The following PLD3 variants were observed in gnomAD, a reference collection of about 807,000 sequenced individuals.
PLD3 encodes the protein 5'-3' exonuclease PLD3.
PLD3 carries 31 observed loss-of-function variants against 58.4 expected under a neutral mutation model. That is an observed-to-expected ratio of 0.53 (90% CI 0.40 to 0.72). The LOEUF (loss-of-function observed/expected upper bound fraction) is 0.72. PLD3 is among the 30% of genes least tolerant of loss of function. PLD3 has a pLI of 0.00. For missense variants in PLD3, 595 were observed against 659.8 expected, an observed-to-expected ratio of 0.90 and a Z score of 1.08; for synonymous variants, 264 against 273.4, an observed-to-expected ratio of 0.97 and a Z score of 0.34.
chr19:40,354,733 C>T (rs866828262), intron 1 of PLD3, among the ~76,000 whole-genome samples: 1 of 151,272 alleles, frequency 6.6e-6, no homozygotes, highest in Non-Finnish European at 1.5e-5. Flanking sequence ...GCCATGTAGG[C>T]CAGGCTGGTC....
intron 5 of PLD3, 145 bp downstream of exon 5, chr19:40,367,060 C>G (rs1334917769): frequency 1.3e-6 from 1 of 766,744 alleles, no homozygotes; most frequent in Admixed American, 3.1e-5. Context: ...CTCGCCCGCC[C>G]CCTCCTCCTC....
intron 1 of PLD3, among the ~76,000 whole-genome samples, chr19:40,349,338 A>C (rs2078423563): frequency 1.3e-5 from 2 of 151,168 alleles, no homozygotes; most frequent in East Asian, 1.9e-4. Context: ...GTCACCATCC[A>C]CTCCTCATGC....
chr19:40,357,935 A>G (rs8110995), intron 1 of PLD3: 143,688 of 152,264 alleles, frequency 0.94, 67,903 homozygotes, highest in Middle Eastern at 0.97. Flanking sequence ...ACATTGTTCA[A>G]AGAATGAAAG....
intron 5 of PLD3, 121 bp from the exon 6 acceptor site, chr19:40,367,575 C>T (rs2078958295): frequency 4.9e-6 from 4 of 811,826 alleles, no homozygotes; most frequent in Non-Finnish European, 7.6e-6. Flanking sequence ...GGGCAAGACT[C>T]TGTCTCTAAA....
chr19:40,349,284 C>T (rs2078421688), intron 1 of PLD3, among the ~76,000 whole-genome samples: 1 of 152,148 alleles, frequency 6.6e-6, no homozygotes, highest in Non-Finnish European at 1.5e-5. Context: ...ATCATTACCC[C>T]TTGTGTCTTT....
At chr19:40,367,932 C>T (rs1038778828) in intron 6 of PLD3, 53 bp downstream of exon 6, 14 of 1,442,926 alleles carry the variant, frequency 9.7e-6, no homozygotes, top group African/African-American at 5.6e-5. Context: ...TGGGAGGCAG[C>T]GGGGGCTGTG....
intron 1 of PLD3, among the ~76,000 whole-genome samples, chr19:40,364,798 CAAA>C (rs1171446806): frequency 1.5e-4 from 10 of 67,238 alleles, no homozygotes; most frequent in Admixed American, 1.7e-4. Context: ...ACTGCGTCTC[CAAA>C]AAAAAAAAAA....
intron 1 of PLD3, among the ~76,000 whole-genome samples, chr19:40,349,971 T>C (rs1294805849): frequency 1.7e-5 from 2 of 116,720 alleles, no homozygotes; most frequent in African/African-American, 6.8e-5. Flanking sequence ...AAAAAAATAA[T>C]AATAATAGGC....
chr19:40,362,424 A>G (rs2078809793), intron 1 of PLD3, among the ~76,000 whole-genome samples: 1 of 152,060 alleles, frequency 6.6e-6, no homozygotes, highest in South Asian at 2.1e-4. Context: ...TCACTTCTCC[A>G]GTACTAGTTT....
intron 9 of PLD3, 123 bp from the exon 10 acceptor site, chr19:40,374,358 C>A: frequency 9.8e-7 from 1 of 1,021,770 alleles, no homozygotes; most frequent in Non-Finnish European, 1.5e-6. Context: ...CCCTCTTCTT[C>A]ATGGAGGCTG....
chr19:40,349,217 C>T (rs1345537044), intron 1 of PLD3, among the ~76,000 whole-genome samples: 1 of 152,196 alleles, frequency 6.6e-6, no homozygotes, highest in Admixed American at 6.5e-5. Context: ...AAGTCACCTT[C>T]GCATGGCTAC....
rs756145262 is a variant in PLD3, at chr19:40,366,440, A to G, written c.-44A>G. On this transcript the variant is annotated 5_prime_UTR_variant, in exon 3 of 13. Transcript: ENST00000409735. ...CCAGTTTGGAGACCCTGACACACCC[A>G]CCTTCTCACCTGGGCTCTGCGTATC... 1.2e-6 allele frequency: 2 copies of G among 1,602,926 alleles called. No homozygotes were observed. Among genetic ancestry groups the G allele is most frequent in the South Asian group, 2.2e-5 (2 of 90,834 alleles).
intron 8 of PLD3, 100 bp from the exon 9 acceptor site, chr19:40,371,573 C>A: frequency 1.4e-6 from 1 of 725,496 alleles, no homozygotes; most frequent in Non-Finnish European, 2.4e-6. Context: ...GGAGGGGGTA[C>A]TGTGGGACAG....
intron 10 of PLD3, 102 bp from the exon 11 acceptor site, chr19:40,376,507 G>A: frequency 2.6e-6 from 3 of 1,171,398 alleles, no homozygotes; most frequent in South Asian, 1.4e-5. Flanking sequence ...CCTCTCAATA[G>A]CTAAAGCAGG....
At position 40,376,765 on chromosome 19, in the gene PLD3, C is replaced by A; in HGVS notation, c.1176C>A (p.Asp392Glu). 1 of 1,599,662 alleles carries A rather than the reference C, an allele frequency of 6.3e-7. No homozygotes were observed. Among genetic ancestry groups the A allele is most frequent in the Non-Finnish European group, 8.5e-7 (1 of 1,179,780 alleles). Residue 392 changes from aspartate (D) to glutamate (E), a missense_variant, in exon 11 of 13, where the codon GAC (aspartate) becomes GAA (glutamate). Physicochemically the swap from Asp to Glu is conservative, Grantham distance 45. Coordinates refer to ENST00000409735, the MANE Select transcript of PLD3 (RefSeq NM_012268.4). Reference sequence around the variant, plus strand: ...TGCGTGACAACCATACCCACTCTGACATCCAGGTGGTAAGTACTGCCCCAA... The same window carrying A: ...TGCGTGACAACCATACCCACTCTGAAATCCAGGTGGTAAGTACTGCCCCAA... ...AALRDNHTHS[D>E]IQVKLFVVPA...
In PLD3 at chr19:40,378,343, G is replaced by GGCCCCGGGACCCAGCAGA; in HGVS notation, c.*173_*190dup. On this transcript the variant is annotated 3_prime_UTR_variant, in exon 13 of 13. Coordinates refer to ENST00000409735, the MANE Select transcript of PLD3 (RefSeq NM_012268.4). ...TCCACCCCCACCGGCCTGACGCTGT[G>GGCCCCGGGACCCAGCAGA]GCCCCGGGACCCAGCAGAGCTGGGG... 4.1e-6 allele frequency: 3 copies of GGCCCCGGGACCCAGCAGA among 731,980 alleles called. No homozygotes were observed. Among genetic ancestry groups the GGCCCCGGGACCCAGCAGA allele is most frequent in the Non-Finnish European group, 7.3e-6 (3 of 411,650 alleles). The allele number at this position is 731,980 out of a possible 1,614,324, so 45.3% of individuals were successfully genotyped here.
chr19:40,367,793 G>T lies in PLD3; in HGVS notation c.343G>T (p.Gly115Cys). The T allele has an allele frequency of 6.2e-7, 1 of 1,610,864 alleles. No homozygotes were observed. Among genetic ancestry groups the T allele is most frequent in the Non-Finnish European group, 8.5e-7 (1 of 1,178,806 alleles). The change falls in exon 6 of 13, where the codon GGT (glycine) becomes TGT (cysteine). Residue 115 changes from glycine (G) to cysteine (C), a missense_variant. Physicochemically the swap from Gly to Cys is radical, Grantham distance 159 (BLOSUM62 -3). Transcript: ENST00000409735. ...TSQAWLGLLA[G>C]AHSSLDIASF... ...CCAGGCCTGGCTGGGCCTGCTCGCC[G>T]GTGCGCACAGCAGCCTGGACATCGC...
chr19:40,377,749 C>T, intron 11 of PLD3, 37 bp from the exon 12 acceptor site: 2 of 1,504,346 alleles, frequency 1.3e-6, no homozygotes, highest in Non-Finnish European at 9.3e-7. Context: ...ACTCCCCCTG[C>T]CTCTCACACT....
At chr19:40,366,293 G>A in intron 2 of PLD3, 126 bp from the exon 3 acceptor site, 1 of 624,032 alleles carries the variant, frequency 1.6e-6, no homozygotes, top group Non-Finnish European at 2.9e-6. Flanking sequence ...CCTCTTTTTG[G>A]GGTGGTGGGC....
Sources: gnomAD v4.1 joint callset for allele counts (sites outside exome capture counted in the v4.1 genomes callset) on GRCh38, gnomAD v4.1.1 for gene constraint, MANE v1.5 for transcripts, NCBI Gene and HGNC (gene_info 2026-07-23, HGNC 2026-07-21) for gene names.